TTC3: variants seen among roughly 807,000 people sequenced by gnomAD.
The protein encoded by TTC3 is E3 ubiquitin-protein ligase TTC3.
TTC3 carries 180 observed loss-of-function variants against 249.6 expected under a neutral mutation model. That is an observed-to-expected ratio of 0.72 (90% CI 0.64 to 0.82). The LOEUF is 0.82. Ranked by LOEUF, TTC3 falls within the 40% of genes least tolerant of loss-of-function variation. The pLI is 0.00. For synonymous variants in TTC3, 717 were observed against 805.0 expected, an observed-to-expected ratio of 0.89 and a Z score of 1.85; for missense variants, 2,061 against 2,398.4, an observed-to-expected ratio of 0.86 and a Z score of 2.94.
intron 1 of TTC3, among the ~76,000 whole-genome samples, chr21:37,079,192 G>A (rs2071278276): frequency 6.6e-6 from 1 of 151,912 alleles, no homozygotes; most frequent in South Asian, 2.1e-4. Flanking sequence ...AGATTTTTGT[G>A]TCTGTTTATG....
chr21:37,161,779 G>C (rs73204044), intron 30 of TTC3, among the ~76,000 whole-genome samples: 1 of 152,234 alleles, frequency 6.6e-6, no homozygotes, highest in Non-Finnish European at 1.5e-5. Flanking sequence ...TTGGAGCATT[G>C]GAAACTATCC....
At chr21:37,149,995 A>G in intron 23 of TTC3, 83 bp from the exon 24 acceptor site, 1 of 973,606 alleles carries the variant, frequency 1.0e-6, no homozygotes, top group South Asian at 1.6e-5. Flanking sequence ...GACTGTTCCT[A>G]GTGGTAAAAA....
intron 16 of TTC3, among the ~76,000 whole-genome samples, chr21:37,131,628 AG>A (rs145379840): frequency 0.013 from 1,924 of 152,240 alleles, 43 homozygotes; most frequent in African/African-American, 0.043. Context: ...TGTAGTCAGC[AG>A]GGCAGGAGTG....
chr21:37,193,355 G>A (rs922652988), intron 41 of TTC3, among the ~76,000 whole-genome samples: 4 of 102,362 alleles, frequency 3.9e-5, no homozygotes, highest in Admixed American at 2.2e-4. Context: ...AACTTACTGT[G>A]AATTCATCTG....
intron 21 of TTC3, among the ~76,000 whole-genome samples, chr21:37,146,272 T>C (rs987783380): frequency 2.0e-5 from 3 of 152,100 alleles, no homozygotes; most frequent in African/African-American, 7.2e-5. Context: ...CTTACGCCTG[T>C]AATCCTACCA....
At chr21:37,138,487 A>G (rs575207148) in intron 18 of TTC3, 147 bp from the exon 19 acceptor site, 1 of 571,114 alleles carries the variant, frequency 1.8e-6, no homozygotes, top group South Asian at 2.9e-5. Context: ...GATTTGGCCA[A>G]TCATATTGAT....
chr21:37,089,037 C>T (rs570255356), intron 5 of TTC3, 151 bp downstream of exon 5: 10 of 632,262 alleles, frequency 1.6e-5, no homozygotes, highest in East Asian at 1.2e-4. Flanking sequence ...TCCATCAGTG[C>T]GTGCTCAGTA....
chr21:37,135,470 G>A lies in TTC3; in HGVS notation c.1534G>A (p.Ala512Thr), dbSNP rs1325949863. The stretch of plus-strand genomic sequence containing the variant: ...GCAGCGTTGCCGCAGCGCTGCACAG[G>A]CCTTTACAGAGTTGCTGAACGGTTT... Residue 512 changes from alanine to threonine, a missense_variant, in exon 18 of 46, where the codon GCC becomes ACC. Physicochemically the swap from Ala to Thr is moderately conservative, Grantham distance 58 (BLOSUM62 0). Around this residue, in one of 3 missense-constraint regions of TTC3, gnomAD observed 989 missense variants for 1,145.1 expected, o/e 0.86. Coordinates refer to ENST00000355666, the Ensembl canonical transcript of TTC3. The A allele has an allele frequency of 4.3e-6, 7 of 1,614,022 alleles. No individual in the cohort carries two copies. In the South Asian group the frequency reaches 7.7e-5, roughly 18 times the overall value.
chr21:37,087,475 A>C, intron 2 of TTC3, 74 bp downstream of exon 2: 2 of 1,560,662 alleles, frequency 1.3e-6, no homozygotes, highest in Non-Finnish European at 1.7e-6. Flanking sequence ...TATCTGAGTA[A>C]AGATGTTTTT....
At chr21:37,177,524 C>T (rs1453094914) in intron 35 of TTC3, among the ~76,000 whole-genome samples, 1 of 152,156 alleles carries the variant, frequency 6.6e-6, no homozygotes, top group Admixed American at 6.5e-5. Context: ...GTGATTGGTG[C>T]CTGCTTCATC....
chr21:37,193,426 T>C (rs1399947261), intron 41 of TTC3, among the ~76,000 whole-genome samples: 1 of 152,192 alleles, frequency 6.6e-6, no homozygotes, highest in East Asian at 1.9e-4. Context: ...AAATATTCTG[T>C]TGAGATCCAG....
Position 37,132,771 on chromosome 21 carries a change from T to C in TTC3, c.1443+5T>C, listed in dbSNP as rs752708434. On this transcript the variant is annotated splice_donor_5th_base_variant and intron_variant, in intron 17 of 45. Coordinates refer to ENST00000355666, the Ensembl canonical transcript of TTC3. Reference sequence around the variant, plus strand: ...TCTTCCAGAGCTGCACACCAGGTAATGGAGAAGCTTTTCCAATGGAAAAAG... The same window carrying C: ...TCTTCCAGAGCTGCACACCAGGTAACGGAGAAGCTTTTCCAATGGAAAAAG... 2.5e-6 allele frequency: 4 copies of C among 1,587,740 alleles called. No individual in the cohort carries two copies. Among genetic ancestry groups the C allele is most frequent in the East Asian group, 4.5e-5 (2 of 44,218 alleles).
At chr21:37,167,095 GA>G (rs1345260080) in intron 33 of TTC3, among the ~76,000 whole-genome samples, 1 of 152,074 alleles carries the variant, frequency 6.6e-6, no homozygotes, top group East Asian at 1.9e-4. Flanking sequence ...CAGCTCCTCA[GA>G]AAGAGAAGGA....
chr21:37,075,247 A>G (rs1301750116), intron 1 of TTC3, among the ~76,000 whole-genome samples: 1 of 149,500 alleles, frequency 6.7e-6, no homozygotes, highest in Admixed American at 6.7e-5. Flanking sequence ...TGGTTCATTC[A>G]TTTTAATTGC....
chr21:37,080,132 A>G (rs1207285625), intron 1 of TTC3, among the ~76,000 whole-genome samples: 2 of 152,088 alleles, frequency 1.3e-5, no homozygotes, highest in Non-Finnish European at 2.9e-5. Flanking sequence ...ATTTCCTAGT[A>G]TAAGCATGCA....
At chr21:37,166,090 C>T in exon 33 of TTC3, 2 of 1,614,210 alleles carry the variant, frequency 1.2e-6, no homozygotes, top group East Asian at 2.2e-5. Flanking sequence ...AGCGAGTCTC[C>T]TGTAATTCCC....
Position 37,157,069 on chromosome 21 carries a change from T to A in TTC3, c.2992+163T>A, listed in dbSNP as rs980330213. 75 of 1,344,470 alleles carry A rather than the reference T, an allele frequency of 5.6e-5. No individual in the cohort carries two copies. In the African/African-American group the frequency reaches 9.4e-4, roughly 17 times the overall value. 83.3% of individuals were successfully genotyped at this position (1,344,470 alleles called of 1,614,324 possible). A position where few individuals can be genotyped will look rare whatever the true frequency, so the allele number is the denominator to read the frequency against. On this transcript the variant is annotated intron_variant, in intron 28 of 45. Transcript: ENST00000355666. ...TAGTGATTAACAGTAGCAATTTTTT[T>A]ATATCATGAAGCTTTTTTACTTTAT...
chr21:37,201,882 T>C (rs1389435129), exon 46 of TTC3: 6 of 301,346 alleles, frequency 2.0e-5, no homozygotes, highest in African/African-American at 2.2e-5. Context: ...AGCAGTATTC[T>C]AGTGATAAGA....
At chr21:37,169,010 G>A (rs2081493743) in intron 34 of TTC3, among the ~76,000 whole-genome samples, 1 of 152,098 alleles carries the variant, frequency 6.6e-6, no homozygotes, top group Admixed American at 6.5e-5. Context: ...TGACCTCATG[G>A]GGCTGGCTTT....
Sources: allele counts gnomAD v4.1 joint callset (sites outside exome capture counted in the v4.1 genomes callset), GRCh38; gene constraint gnomAD v4.1.1; regional missense constraint gnomAD v4.1.1; transcripts MANE v1.5; gene names NCBI Gene and HGNC (gene_info 2026-07-23, HGNC 2026-07-21).